The following PON3 variants were observed in gnomAD, a reference collection of about 807,000 sequenced individuals.
PON3 encodes serum paraoxonase/lactonase 3.
In PON3, 37 loss-of-function variants were observed where a neutral mutation model predicts 36.3. The observed-to-expected ratio is 1.02, with a 90% CI of 0.78 to 1.34. The LOEUF is 1.34. Ranked by LOEUF, PON3 falls within the 40% of genes most tolerant of loss-of-function variation. PON3 has a pLI of 0.00. For synonymous variants in PON3, 155 were observed against 154.8 expected, an observed-to-expected ratio of 1.00 and a Z score of -0.01; for missense variants, 415 against 426.5, an observed-to-expected ratio of 0.97 and a Z score of 0.24.
intron 1 of PON3, 23 bp downstream of exon 1, chr7:95,396,254 C>T (rs111685813): frequency 1.2e-6 from 2 of 1,612,508 alleles, no homozygotes; most frequent in East Asian, 2.2e-5. Flanking sequence ...GAGTCGAAGA[C>T]GCCCTGTCAA....
At chr7:95,383,419 GT>G (rs1809110633) in intron 3 of PON3, among the ~76,000 whole-genome samples, 1 of 152,188 alleles carries the variant, frequency 6.6e-6, no homozygotes, top group Admixed American at 6.6e-5. Context: ...AATTGTCCCT[GT>G]TTGCAGATGA....
At chr7:95,393,298 A>G (rs1048550233) in intron 2 of PON3, among the ~76,000 whole-genome samples, 1 of 152,222 alleles carries the variant, frequency 6.6e-6, no homozygotes, top group Non-Finnish European at 1.5e-5. Context: ...ACTGCTAGCT[A>G]TAATACAAGG....
chr7:95,360,770 A>G (rs911080441), intron 8 of PON3, among the ~76,000 whole-genome samples: 2 of 152,146 alleles, frequency 1.3e-5, no homozygotes, highest in African/African-American at 4.8e-5. Context: ...TAAAATTTTT[A>G]TTTTGGAATT....
At chr7:95,386,889 T>C (rs1268359521) in intron 3 of PON3, among the ~76,000 whole-genome samples, 1 of 152,128 alleles carries the variant, frequency 6.6e-6, no homozygotes, top group African/African-American at 2.4e-5. Flanking sequence ...AAAAACCACA[T>C]GATTATCTCA....
chr7:95,366,000 G>A (rs1808682986), intron 5 of PON3: 1 of 150,732 alleles, frequency 6.6e-6, no homozygotes, highest in African/African-American at 2.5e-5. Flanking sequence ...AGGAAGTGGT[G>A]GTTGGGATTT....
At chr7:95,395,021 A>T (rs1809398490) in intron 1 of PON3, among the ~76,000 whole-genome samples, 1 of 152,220 alleles carries the variant, frequency 6.6e-6, no homozygotes, top group Non-Finnish European at 1.5e-5. Context: ...GAACAATATT[A>T]TTAATTTAAA....
At chr7:95,381,673 C>T in intron 3 of PON3, among the ~76,000 whole-genome samples, 1 of 152,168 alleles carries the variant, frequency 6.6e-6, no homozygotes. Context: ...TATATATGCA[C>T]CCAATACAGG....
At chr7:95,385,626 GCAC>G (rs1809171912) in intron 3 of PON3, among the ~76,000 whole-genome samples, 1 of 152,122 alleles carries the variant, frequency 6.6e-6, no homozygotes, top group East Asian at 1.9e-4. Context: ...GTTCTTCTCA[GCAC>G]CACATCGCAC....
chr7:95,393,221 C>T (rs2116426788), intron 2 of PON3, among the ~76,000 whole-genome samples: 1 of 152,308 alleles, frequency 6.6e-6, no homozygotes, highest in East Asian at 1.9e-4. Context: ...TATCTCATCA[C>T]ATTCTAATAA....
At chr7:95,374,677 C>T (rs938403920) in intron 3 of PON3, among the ~76,000 whole-genome samples, 2 of 152,070 alleles carry the variant, frequency 1.3e-5, no homozygotes, top group Admixed American at 6.6e-5. Context: ...TGTAGAAATA[C>T]CCTTATAAAG....
chr7:95,372,194 T>A lies in PON3; in HGVS notation c.346A>T (p.Ile116Phe). 6.2e-7 allele frequency: 1 copy of A among 1,613,778 alleles called. No homozygotes were observed. The change falls in exon 4 of 9, where the codon ATC (isoleucine) becomes TTC (phenylalanine). Residue 116 changes from isoleucine (I) to phenylalanine (F), a missense_variant. Ile to Phe is a conservative substitution (Grantham distance 21). Transcript: ENST00000265627. The stretch of plus-strand genomic sequence containing the variant: ...TTACCTTTGTCGATGAAAATACTGA[T>A]CCCATGTGGATTAAATAATTCTTTG... ...FDKELFNPHG[I>F]SIFIDKDNTV...
rs751763721 is a variant in PON3 at position 95,362,409 on chromosome 7, G to C, written c.859C>G (p.Pro287Ala). 6.2e-7 allele frequency: 1 copy of C among 1,613,770 alleles called. No individual in the cohort carries two copies. The highest frequency in any genetic ancestry group is 1.1e-5 in the South Asian group (1 of 91,072). The change falls in exon 8 of 9, where the codon CCT becomes GCT. Residue 287 changes from proline to alanine, a missense_variant. Transcript: ENST00000265627. ...GDILAGCHPN[P>A]MKLLNYNPED... The stretch of plus-strand genomic sequence containing the variant: ...GGGTTATAGTTCAGTAGCTTCATAG[G>C]ATTAGGATGGCATCCTGCCAAAATG...
intron 3 of PON3, among the ~76,000 whole-genome samples, chr7:95,384,281 G>A (rs554220940): frequency 1.4e-4 from 22 of 152,186 alleles, no homozygotes; most frequent in African/African-American, 5.1e-4. Context: ...TAACACTCAG[G>A]ACATAGGCAT....
At chr7:95,364,130 A>G in intron 5 of PON3, 67 bp from the exon 6 acceptor site, 1 of 1,258,334 alleles carries the variant, frequency 7.9e-7, no homozygotes, top group Non-Finnish European at 1.2e-6. Context: ...CCTTGTCAAA[A>G]TCACTCATCT....
At chr7:95,363,839 A>T (rs1808631340) in intron 6 of PON3, 24 bp downstream of exon 6, 3 of 1,603,360 alleles carry the variant, frequency 1.9e-6, no homozygotes, top group South Asian at 1.1e-5. Flanking sequence ...GGCAAAGGAT[A>T]GAAAAATACA....
Position 95,364,002 on chromosome 7 carries a change from T to C in PON3, c.556A>G (p.Thr186Ala), listed in dbSNP as rs763562011. 3.7e-6 allele frequency: 6 copies of C among 1,613,770 alleles called. No individual in the cohort carries two copies. In the Admixed American group the frequency reaches 8.3e-5, roughly 22 times the overall value. Reference sequence around the variant, plus strand: ...TCAAAAAATGACAGGAGGGAGTTGGTAAAATAGTGGTCTCTGGTGGCATAG... The same window carrying C: ...TCAAAAAATGACAGGAGGGAGTTGGCAAAATAGTGGTCTCTGGTGGCATAG... ...QFYATRDHYF[T>A]NSLLSFFEMI... The change falls in exon 6 of 9, where the codon ACC (threonine) becomes GCC (alanine). Residue 186 changes from threonine (T) to alanine (A), a missense_variant. By Grantham distance (58) the Thr-to-Ala change is moderately conservative. Transcript: ENST00000265627.
chr7:95,386,077 GAAGC>G (rs1441390832), intron 3 of PON3, among the ~76,000 whole-genome samples: 1 of 152,036 alleles, frequency 6.6e-6, no homozygotes, highest in African/African-American at 2.4e-5. Flanking sequence ...AAGAACTACA[GAAGC>G]AAGAGCAAAC....
At chr7:95,361,610 C>G (rs1332251477) in intron 8 of PON3, among the ~76,000 whole-genome samples, 1 of 152,012 alleles carries the variant, frequency 6.6e-6, no homozygotes, top group Non-Finnish European at 1.5e-5. Context: ...GTTTGTCCCC[C>G]TTTCTTAAGA....
chr7:95,373,857 G>C (rs944190451), intron 3 of PON3, among the ~76,000 whole-genome samples: 77 of 152,244 alleles, frequency 5.1e-4, no homozygotes, highest in African/African-American at 1.7e-3. Flanking sequence ...ACTGGTACCT[G>C]TCCGTAGCCT....
Sources: allele counts gnomAD v4.1 joint callset (sites outside exome capture counted in the v4.1 genomes callset), GRCh38; gene constraint gnomAD v4.1.1; transcripts MANE v1.5; gene names NCBI Gene and HGNC (gene_info 2026-07-23, HGNC 2026-07-21).